The following GALNT18 variants were observed in gnomAD, a reference collection of about 807,000 sequenced individuals.
GALNT18 encodes the protein GalNAc-transferase 18.
GALNT18 carries 44 observed loss-of-function variants against 69.5 expected under a neutral mutation model. That is an observed-to-expected ratio of 0.63 (90% confidence interval 0.50 to 0.81). GALNT18 has a LOEUF of 0.81. GALNT18 is among the 40% of genes least tolerant of loss of function. The pLI, the probability that GALNT18 is intolerant of heterozygous loss-of-function variation, is 0.00. For missense variants in GALNT18, 715 were observed against 810.0 expected, an observed-to-expected ratio of 0.88 and a Z score of 1.42; for synonymous variants, 364 against 318.2, an observed-to-expected ratio of 1.14 and a Z score of -1.53.
rs1458255460 is a variant in GALNT18 at position 11,603,515 on chromosome 11, C to G, written c.235+17844G>C. Among the ~76,000 whole-genome samples the G allele has an allele frequency of 3.9e-5, 6 of 152,170 alleles. No individual in the cohort carries two copies. Among genetic ancestry groups the G allele is most frequent in the Non-Finnish European group, 8.8e-5 (6 of 68,036 alleles). ...TTGAAATGATACACAGCACCCACCC[C>G]CTCAACCATCAGAGCAACATACCCT... On this transcript the variant is annotated intron_variant, in intron 1 of 10. Coordinates refer to ENST00000227756, the MANE Select transcript of GALNT18 (RefSeq NM_198516.3). The surrounding 1 kb of genome is among the most constrained non-coding windows in gnomAD (Gnocchi z 4.5).
intron 1 of GALNT18, among the ~76,000 whole-genome samples, chr11:11,458,403 T>TA (rs1017288424): frequency 1.3e-5 from 2 of 152,204 alleles, no homozygotes; most frequent in Non-Finnish European, 2.9e-5. Context: ...ATGATTTTTT[T>TA]AAAAAAACTT....
At chr11:11,508,740 G>A (rs80005113) in intron 1 of GALNT18, among the ~76,000 whole-genome samples, 18,250 of 152,106 alleles carry the variant, frequency 0.12, 1,429 homozygotes, top group Middle Eastern at 0.18. Context: ...TTTTCCTATA[G>A]ATGCACTTAC....
chr11:11,277,811 T>C (rs1163498627), intron 10 of GALNT18, among the ~76,000 whole-genome samples: 2 of 152,214 alleles, frequency 1.3e-5, no homozygotes, highest in African/African-American at 2.4e-5. Context: ...TTGTGCAGTT[T>C]TGAGGGAGTT....
At position 11,592,949 on chromosome 11, in the gene GALNT18, T is replaced by C. The variant is rs1315053977; in HGVS notation, c.235+28410A>G. Among the ~76,000 whole-genome samples, 2 of 152,174 alleles carry C rather than the reference T, an allele frequency of 1.3e-5. No individual in the cohort carries two copies. The highest frequency in any genetic ancestry group is 4.8e-5 in the African/African-American group (2 of 41,454). ...TTTCTGTTTGTTTTTTGTTTTTGTC[T>C]CTGTCTCCCAGGCTGGAGTGCAGTG... is the stretch of plus-strand genomic sequence containing the variant. On this transcript the variant is annotated intron_variant, in intron 1 of 10. Transcript: ENST00000227756. This position sits in a 1 kb window ranked among gnomAD's most constrained non-coding sequence, Gnocchi z 5.9.
chr11:11,343,785 T>C (rs1283930227), intron 6 of GALNT18, among the ~76,000 whole-genome samples: 6 of 152,208 alleles, frequency 3.9e-5, no homozygotes, highest in Non-Finnish European at 8.8e-5. Flanking sequence ...ACTCTTTTAT[T>C]ACAAGACCTG....
rs373467688 is a variant in GALNT18 at position 11,579,176 on chromosome 11, G to C, written c.235+42183C>G. 2.6e-5 allele frequency among the ~76,000 whole-genome samples: 4 copies of C among 152,324 alleles called. No homozygotes were observed. The East Asian group carries it at 7.7e-4, about 29-fold the overall frequency. Reference sequence around the variant, plus strand: ...TGTGAATCTGGACATTTGTTTAGCTGAGTGGCGGTGATGGCAAAGGAAGGC... The same window carrying C: ...TGTGAATCTGGACATTTGTTTAGCTCAGTGGCGGTGATGGCAAAGGAAGGC... On this transcript the variant is annotated intron_variant, in intron 1 of 10. Coordinates refer to ENST00000227756, the MANE Select transcript of GALNT18 (RefSeq NM_198516.3).
In GALNT18 at chr11:11,481,584, T is replaced by C. The variant is rs1856532511; in HGVS notation, c.236-32648A>G. ...CTATCTCCCGGCAGTCATCAGCTCA[T>C]GCTGTGTGGAGGGCAGGACTGTGAG... On this transcript the variant is annotated intron_variant, in intron 1 of 10. Transcript: ENST00000227756. 3.3e-5 allele frequency among the ~76,000 whole-genome samples: 5 copies of C among 152,304 alleles called. No individual in the cohort carries two copies. The South Asian group carries it at 1.0e-3, about 32-fold the overall frequency.
Position 11,347,449 on chromosome 11 carries a change from G to A in GALNT18, c.1093-6445C>T, listed in dbSNP as rs1425454432. On this transcript the variant is annotated intron_variant, in intron 6 of 10. Transcript: ENST00000227756. This position sits in a 1 kb window ranked among gnomAD's most constrained non-coding sequence, Gnocchi z 4.0. Reference sequence around the variant, plus strand: ...ATATCCTTCTGAAGCACTGTGTTGGGAAGAATTCTGAGGCTCTGTCCAGTC... The same window carrying A: ...ATATCCTTCTGAAGCACTGTGTTGGAAAGAATTCTGAGGCTCTGTCCAGTC... 2.0e-5 allele frequency among the ~76,000 whole-genome samples: 3 copies of A among 152,140 alleles called. No homozygotes were observed. Among genetic ancestry groups the A allele is most frequent in the Admixed American group, 6.5e-5 (1 of 15,272 alleles).
chr11:11,307,754 CA>C (rs1849603874), intron 9 of GALNT18, among the ~76,000 whole-genome samples: 2 of 149,914 alleles, frequency 1.3e-5, no homozygotes, highest in African/African-American at 4.9e-5. Flanking sequence ...TTGACCCCCC[CA>C]AGGTCACTAC....
chr11:11,291,399 C>T (rs1401863530), intron 10 of GALNT18, among the ~76,000 whole-genome samples: 1 of 152,186 alleles, frequency 6.6e-6, no homozygotes, highest in Non-Finnish European at 1.5e-5. Context: ...ACTCAGTTTC[C>T]TCATCTATGA....
Position 11,341,048 on chromosome 11 carries a change from GCCTTTCT to G in GALNT18, c.1093-51_1093-45del. 1 of 1,542,028 alleles carries G rather than the reference GCCTTTCT, an allele frequency of 6.5e-7. No homozygotes were observed. Among genetic ancestry groups the G allele is most frequent in the Non-Finnish European group, 8.8e-7 (1 of 1,140,574 alleles). On this transcript the variant is annotated intron_variant, in intron 6 of 10. Transcript: ENST00000227756. This position sits in a 1 kb window ranked among gnomAD's most constrained non-coding sequence, Gnocchi z 6.3. ...CACTTGTCAGAGCCTGCCTGGCTCT[GCCTTTCT>G]ACACCAGGCCTCAGGCAGCCACTTG...
chr11:11,527,394 G>A (rs1857546968), intron 1 of GALNT18, among the ~76,000 whole-genome samples: 2 of 152,158 alleles, frequency 1.3e-5, no homozygotes, highest in Non-Finnish European at 2.9e-5. Flanking sequence ...CTGGGCTGAT[G>A]CAGTCAGCTC....
chr11:11,615,623 C>T (rs1035362825), intron 1 of GALNT18, among the ~76,000 whole-genome samples: 2 of 152,118 alleles, frequency 1.3e-5, no homozygotes, highest in Non-Finnish European at 2.9e-5. Flanking sequence ...ACAGTCTGAT[C>T]TTTCCTCTTT....
At chr11:11,560,951 G>A (rs1858490490) in intron 1 of GALNT18, among the ~76,000 whole-genome samples, 1 of 152,220 alleles carries the variant, frequency 6.6e-6, no homozygotes, top group African/African-American at 2.4e-5. Flanking sequence ...TTGTCCTGCA[G>A]AGGCCCCTTG....
chr11:11,548,329 C>T (rs1269059018), intron 1 of GALNT18, among the ~76,000 whole-genome samples: 1 of 152,130 alleles, frequency 6.6e-6, no homozygotes, highest in Non-Finnish European at 1.5e-5. Context: ...AGTGAGACTG[C>T]AGTAGGTAGA....
Position 11,465,501 on chromosome 11 carries a change from A to C in GALNT18, c.236-16565T>G, listed in dbSNP as rs991394722. ...TCGTGATCCGTATCCATGGCAGCTCAGTAGCCACAGAAGCCAAAGCCACCT... is the reference window on the plus strand; with the variant it reads ...TCGTGATCCGTATCCATGGCAGCTCCGTAGCCACAGAAGCCAAAGCCACCT... On this transcript the variant is annotated intron_variant, in intron 1 of 10. Transcript: ENST00000227756. This position sits in a 1 kb window ranked among gnomAD's most constrained non-coding sequence, Gnocchi z 5.7. Among the ~76,000 whole-genome samples the C allele has an allele frequency of 6.6e-6, 1 of 152,138 alleles. No homozygotes were observed. The highest frequency in any genetic ancestry group is 1.5e-5 in the Non-Finnish European group (1 of 68,024).
chr11:11,417,876 G>A (rs1854901945), intron 3 of GALNT18, among the ~76,000 whole-genome samples: 1 of 152,150 alleles, frequency 6.6e-6, no homozygotes, highest in South Asian at 2.1e-4. Context: ...AAATGAACAT[G>A]GTATTAATAA....
intron 1 of GALNT18, among the ~76,000 whole-genome samples, chr11:11,460,801 C>T (rs1856024883): frequency 6.6e-6 from 1 of 152,172 alleles, no homozygotes; most frequent in South Asian, 2.1e-4. Context: ...CCTAAAGCTG[C>T]AGTTCTATTG....
rs780731461 is a variant in GALNT18, at chr11:11,332,597, G to A, written c.1416+97C>T. The A allele has an allele frequency of 2.1e-5, 30 of 1,408,836 alleles. No individual in the cohort carries two copies. Among genetic ancestry groups the A allele is most frequent in the Non-Finnish European group, 3.0e-5 (30 of 1,016,424 alleles). 87.3% of individuals were successfully genotyped at this position (1,408,836 alleles called of 1,614,324 possible). Reference sequence around the variant, plus strand: ...CCCCAGGCCTACTGCAGTTCTTCATGTGAGCAGCTGAGAGGCTCTTTCCCT... The same window carrying A: ...CCCCAGGCCTACTGCAGTTCTTCATATGAGCAGCTGAGAGGCTCTTTCCCT... On this transcript the variant is annotated intron_variant, in intron 8 of 10. Coordinates refer to ENST00000227756, the MANE Select transcript of GALNT18 (RefSeq NM_198516.3). This position sits in a 1 kb window ranked among gnomAD's most constrained non-coding sequence, Gnocchi z 4.3.
Sources: allele counts gnomAD v4.1 joint callset (sites outside exome capture counted in the v4.1 genomes callset), GRCh38; gene constraint gnomAD v4.1.1; non-coding constraint Gnocchi (gnomAD v3.1); transcripts MANE v1.5; gene names NCBI Gene and HGNC (gene_info 2026-07-23, HGNC 2026-07-21).